CBLB: variants seen among roughly 807,000 people sequenced by gnomAD.
CBLB encodes E3 ubiquitin-protein ligase CBL-B.
In CBLB, 31 loss-of-function variants were observed where a neutral mutation model predicts 104.9. That is an observed-to-expected ratio of 0.30 (90% confidence interval 0.22 to 0.40). The LOEUF is 0.40. Ranked by LOEUF, CBLB falls within the 10% of genes least tolerant of loss-of-function variation. CBLB has a pLI of 1.00. For missense variants in CBLB, 1,062 were observed against 1,214.6 expected (o/e 0.87, Z 1.87); for synonymous variants, 440 against 422.6 (o/e 1.04, Z -0.51).
chr3:105,796,970 C>G (rs1048115884), intron 3 of CBLB, among the ~76,000 whole-genome samples: 31 of 152,112 alleles, frequency 2.0e-4, no homozygotes, highest in African/African-American at 7.2e-4. Context: ...GAAAAGGGAA[C>G]ACTTATACAC....
At chr3:105,781,706 A>C (rs769811936) in intron 3 of CBLB, among the ~76,000 whole-genome samples, 50 of 152,336 alleles carry the variant, frequency 3.3e-4, no homozygotes, top group Middle Eastern at 3.4e-3. Context: ...CAAGGAGGAA[A>C]TAAAAAGCTT....
chr3:105,750,444 A>G (rs2301028), intron 5 of CBLB, among the ~76,000 whole-genome samples: 10,427 of 152,268 alleles, frequency 0.068, 515 homozygotes, highest in Admixed American at 0.15. Flanking sequence ...TTCAAAGAGA[A>G]TCAATGTTAC....
chr3:105,808,111 C>T (rs2083761999), intron 3 of CBLB, among the ~76,000 whole-genome samples: 1 of 152,210 alleles, frequency 6.6e-6, no homozygotes, highest in African/African-American at 2.4e-5. Flanking sequence ...TCAGTGCTAA[C>T]ACTTGTCTTC....
At chr3:105,842,948 TC>T (rs1457170241) in intron 3 of CBLB, among the ~76,000 whole-genome samples, 2 of 152,234 alleles carry the variant, frequency 1.3e-5, no homozygotes, top group East Asian at 3.8e-4. Context: ...AATTTTACTC[TC>T]CAAAAATTAG....
chr3:105,771,246 A>C (rs2078844726), intron 4 of CBLB, among the ~76,000 whole-genome samples: 1 of 152,236 alleles, frequency 6.6e-6, no homozygotes, highest in Non-Finnish European at 1.5e-5. Context: ...TATGTAAGTT[A>C]ATAAATGTGA....
At chr3:105,668,419 A>G (rs901278468) in intron 18 of CBLB, among the ~76,000 whole-genome samples, 1 of 152,192 alleles carries the variant, frequency 6.6e-6, no homozygotes. Context: ...TCCCCTAACT[A>G]AAGTATAGGT....
In CBLB at chr3:105,867,521, T is replaced by C; in HGVS notation, c.57A>G (p.Lys19=). ...CATCAATAATACCCAAAATTCGACC[T>C]TTTCGGGGATTTCCTCCTCGACCAC... is the stretch of plus-strand genomic sequence containing the variant. ...NPGGRGGNPR[K]GRILGIIDAI... The change falls in exon 2 of 19, where the codon AAA becomes AAG. Residue 19 remains lysine (K), a synonymous_variant. Transcript: ENST00000394030. 1 of 1,614,126 alleles carries C rather than the reference T, an allele frequency of 6.2e-7. No individual in the cohort carries two copies. The highest frequency in any genetic ancestry group is 8.5e-7 in the Non-Finnish European group (1 of 1,179,992).
At chr3:105,789,258 T>C (rs1332355996) in intron 3 of CBLB, among the ~76,000 whole-genome samples, 2 of 152,180 alleles carry the variant, frequency 1.3e-5, no homozygotes, top group Non-Finnish European at 2.9e-5. Flanking sequence ...CTTGAAAGGA[T>C]AGGGCTCTTT....
chr3:105,795,885 A>G (rs1278071586), intron 3 of CBLB, among the ~76,000 whole-genome samples: 2 of 152,024 alleles, frequency 1.3e-5, no homozygotes, highest in Non-Finnish European at 1.5e-5. Context: ...CTGGGTCTGC[A>G]GGTGCCCACC....
rs191368885 is a variant in CBLB at position 105,820,439 on chromosome 3, C to T, written c.419+32975G>A. On this transcript the variant is annotated intron_variant, in intron 3 of 18. Coordinates refer to ENST00000394030, the MANE Select transcript of CBLB (RefSeq NM_170662.5). ...AATTTAAAATAGTAGAAGCAAGGTT[C>T]GGGGGCAGGGGGTAACATTTACTTA... is the stretch of plus-strand genomic sequence containing the variant. 3.0e-3 allele frequency among the ~76,000 whole-genome samples: 463 copies of T among 152,168 alleles called. 5 individuals are homozygous for T. Among genetic ancestry groups the T allele is most frequent in the Middle Eastern group, 0.02 (6 of 294 alleles).
intron 13 of CBLB, among the ~76,000 whole-genome samples, chr3:105,687,865 C>T (rs2067201528): frequency 1.3e-5 from 2 of 150,246 alleles, no homozygotes; most frequent in African/African-American, 4.9e-5. Context: ...GAGGATGGTA[C>T]AAATGAGATA....
chr3:105,842,445 C>T (rs2089687727), intron 3 of CBLB, among the ~76,000 whole-genome samples: 1 of 152,184 alleles, frequency 6.6e-6, no homozygotes, highest in Admixed American at 6.5e-5. Flanking sequence ...AGATATCTGG[C>T]TATCTCCTTT....
intron 10 of CBLB, among the ~76,000 whole-genome samples, chr3:105,713,824 A>T (rs1259966598): frequency 6.6e-6 from 1 of 152,160 alleles, no homozygotes; most frequent in Non-Finnish European, 1.5e-5. Context: ...TGAGGACTAG[A>T]CTATTAGTAC....
At chr3:105,749,339 T>C (rs553342002) in intron 5 of CBLB, among the ~76,000 whole-genome samples, 49 of 152,348 alleles carry the variant, frequency 3.2e-4, no homozygotes, top group African/African-American at 1.2e-3. Flanking sequence ...TTTTATGATA[T>C]AAAACTTTTC....
At chr3:105,673,069 T>A (rs1193961747) in intron 17 of CBLB, 2 of 90,068 alleles carry the variant, frequency 2.2e-5, no homozygotes, top group African/African-American at 4.1e-5. Context: ...AAGTATGGAT[T>A]TTTTTTTTTT....
At chr3:105,781,461 C>CA (rs542126244) in intron 3 of CBLB, among the ~76,000 whole-genome samples, 2 of 151,676 alleles carry the variant, frequency 1.3e-5, no homozygotes, top group African/African-American at 2.4e-5. Flanking sequence ...TAGTATGAAA[C>CA]AAAAAAACAT....
intron 3 of CBLB, among the ~76,000 whole-genome samples, chr3:105,788,018 T>C (rs774968998): frequency 3.5e-4 from 54 of 152,208 alleles, no homozygotes; most frequent in Admixed American, 3.4e-3. Context: ...GGGAAACTTA[T>C]GGTTTAAGAA....
At chr3:105,766,906 A>T (rs1340843148) in intron 4 of CBLB, among the ~76,000 whole-genome samples, 1 of 152,190 alleles carries the variant, frequency 6.6e-6, no homozygotes, top group Non-Finnish European at 1.5e-5. Flanking sequence ...TACAGAGCTG[A>T]TTTTAAGTAT....
chr3:105,675,219 G>A (rs1157981271), intron 17 of CBLB, among the ~76,000 whole-genome samples: 2 of 152,258 alleles, frequency 1.3e-5, no homozygotes, highest in East Asian at 3.9e-4. Context: ...CATTACACCA[G>A]ACTAAGATTT....
Sources: gnomAD v4.1 joint callset for allele counts (sites outside exome capture counted in the v4.1 genomes callset) on GRCh38, gnomAD v4.1.1 for gene constraint, MANE v1.5 for transcripts, NCBI Gene and HGNC (gene_info 2026-07-23, HGNC 2026-07-21) for gene names.